The following SNCAIP variants were observed in gnomAD, a reference collection of about 807,000 sequenced individuals.
SNCAIP encodes synuclein alpha interacting protein.
A neutral mutation model predicts 86.7 loss-of-function variants in SNCAIP; 43 were observed. The ratio of observed to expected loss-of-function variants is 0.50; its 90% CI spans 0.39 to 0.64. SNCAIP has a LOEUF of 0.64. SNCAIP is among the 30% of genes least tolerant of loss of function. The probability of loss-of-function intolerance (pLI) is 0.00; values close to 1 mark genes in which losing one functional copy is unlikely to be tolerated. For synonymous variants in SNCAIP, 417 were observed against 427.2 expected (o/e 0.98, Z 0.29); for missense variants, 981 against 1,103.1 (o/e 0.89, Z 1.57).
chr5:122,372,668 G>A (rs1764505861), intron 1 of SNCAIP, among the ~76,000 whole-genome samples: 1 of 152,092 alleles, frequency 6.6e-6, no homozygotes, highest in Admixed American at 6.6e-5. Context: ...CTAGCCTCTT[G>A]TGCTGTAGGA....
chr5:122,350,352 A>G (rs931972519), intron 1 of SNCAIP, among the ~76,000 whole-genome samples: 1 of 152,148 alleles, frequency 6.6e-6, no homozygotes, highest in East Asian at 1.9e-4. Flanking sequence ...GATTCCAGTA[A>G]TGGACTATTT....
At chr5:122,321,011 GC>G (rs1476472203) in intron 1 of SNCAIP, among the ~76,000 whole-genome samples, 13 of 151,864 alleles carry the variant, frequency 8.6e-5, no homozygotes, top group Admixed American at 5.2e-4. Flanking sequence ...TCACCCTCTT[GC>G]CCTGAGACCG....
At chr5:122,325,077 C>T (rs1305313731) in intron 1 of SNCAIP, among the ~76,000 whole-genome samples, 1 of 152,102 alleles carries the variant, frequency 6.6e-6, no homozygotes, top group African/African-American at 2.4e-5. Flanking sequence ...GATATGGTTT[C>T]TTCCCTTTTT....
intron 1 of SNCAIP, among the ~76,000 whole-genome samples, chr5:122,317,086 T>G (rs1289333230): frequency 2.1e-5 from 3 of 145,998 alleles, no homozygotes; most frequent in Non-Finnish European, 4.6e-5. Flanking sequence ...TGGCTTTTCA[T>G]TATAAGTGTA....
At chr5:122,388,139 C>A (rs1768600054) in intron 1 of SNCAIP, among the ~76,000 whole-genome samples, 1 of 152,168 alleles carries the variant, frequency 6.6e-6, no homozygotes, top group South Asian at 2.1e-4. Flanking sequence ...CGGCTTAGCT[C>A]CAGCTAGTTG....
chr5:122,322,798 G>T (rs1707693363), intron 1 of SNCAIP, among the ~76,000 whole-genome samples: 1 of 152,188 alleles, frequency 6.6e-6, no homozygotes, highest in Admixed American at 6.5e-5. Flanking sequence ...CCATGTTTAA[G>T]TAATTTGATG....
intron 2 of SNCAIP, among the ~76,000 whole-genome samples, chr5:122,393,726 G>C (rs1173453083): frequency 1.3e-5 from 2 of 152,154 alleles, no homozygotes; most frequent in Non-Finnish European, 2.9e-5. Context: ...GTAGTACTGA[G>C]GATAAGAAAT....
chr5:122,457,417 G>A (rs906684465), intron 10 of SNCAIP, among the ~76,000 whole-genome samples: 1 of 152,152 alleles, frequency 6.6e-6, no homozygotes, highest in African/African-American at 2.4e-5. Flanking sequence ...ACAGCCAGGT[G>A]CCTGAAGTTG....
chr5:122,463,664 C>A lies in SNCAIP; in HGVS notation c.*168C>A. On this transcript the variant is annotated 3_prime_UTR_variant, in exon 11 of 11. Coordinates refer to ENST00000261368, the MANE Select transcript of SNCAIP (RefSeq NM_005460.4). ...CTCTTTGGAAAGAGAACCATGAAAA[C>A]AATGCCTCACCAGCAGAAGAACAGA... 1 of 648,498 alleles carries A rather than the reference C, an allele frequency of 1.5e-6. No individual in the cohort carries two copies. Among genetic ancestry groups the A allele is most frequent in the Non-Finnish European group, 2.7e-6 (1 of 373,426 alleles). The allele number at this position is 648,498 out of a possible 1,614,324, so 40.2% of individuals were successfully genotyped here. A position where few individuals can be genotyped will look rare whatever the true frequency, so the allele number is the denominator to read the frequency against.
chr5:122,333,903 A>G (rs1486160562), intron 1 of SNCAIP, among the ~76,000 whole-genome samples: 3 of 152,218 alleles, frequency 2.0e-5, no homozygotes, highest in Non-Finnish European at 4.4e-5. Flanking sequence ...TTGTTTGCAG[A>G]TAGACGACAA....
intron 3 of SNCAIP, among the ~76,000 whole-genome samples, chr5:122,415,251 G>C (rs1455910843): frequency 6.6e-6 from 1 of 152,168 alleles, no homozygotes; most frequent in Non-Finnish European, 1.5e-5. Flanking sequence ...GGCCATGGTA[G>C]GAGCCTGCAT....
At chr5:122,317,601 G>A (rs1752031628) in intron 1 of SNCAIP, among the ~76,000 whole-genome samples, 1 of 152,192 alleles carries the variant, frequency 6.6e-6, no homozygotes, top group African/African-American at 2.4e-5. Context: ...GGAGTGTATG[G>A]GAGTGAAGGA....
intron 1 of SNCAIP, among the ~76,000 whole-genome samples, chr5:122,317,723 G>C (rs116060596): frequency 0.013 from 2,016 of 152,232 alleles, 31 homozygotes; most frequent in South Asian, 0.062. Flanking sequence ...GATGCTGTGC[G>C]TGCAGAAACA....
At chr5:122,414,916 A>G (rs1774980830) in intron 3 of SNCAIP, among the ~76,000 whole-genome samples, 1 of 152,216 alleles carries the variant, frequency 6.6e-6, no homozygotes, top group African/African-American at 2.4e-5. Context: ...GAAATCTCTA[A>G]TGAAATCATA....
chr5:122,322,567 A>T (rs913774058), intron 1 of SNCAIP, among the ~76,000 whole-genome samples: 1 of 152,190 alleles, frequency 6.6e-6, no homozygotes, highest in African/African-American at 2.4e-5. Flanking sequence ...GAGCTCATTG[A>T]CCTGCTTTGA....
At chr5:122,363,878 A>T (rs1762665688) in intron 1 of SNCAIP, among the ~76,000 whole-genome samples, 1 of 151,778 alleles carries the variant, frequency 6.6e-6, no homozygotes, top group Admixed American at 6.6e-5. Flanking sequence ...GCTGGAGTGC[A>T]GTTATGCAAT....
intron 2 of SNCAIP, chr5:122,401,232 C>A: frequency 1.8e-6 from 2 of 1,116,770 alleles, no homozygotes; most frequent in South Asian, 1.7e-5. Context: ...TAGCACAATG[C>A]ATACTTGTAA....
intron 7 of SNCAIP, chr5:122,443,593 C>T (rs1236467974): frequency 4.4e-6 from 2 of 456,946 alleles, no homozygotes; most frequent in African/African-American, 4.0e-5. Flanking sequence ...ATTCAAGGGA[C>T]TTGGAATGGG....
chr5:122,316,226 G>T (rs1267413380), intron 1 of SNCAIP, among the ~76,000 whole-genome samples: 2 of 152,324 alleles, frequency 1.3e-5, no homozygotes, highest in East Asian at 1.9e-4. Flanking sequence ...GATTCCCTAA[G>T]ATGTCAAAGG....
Sources: allele counts gnomAD v4.1 joint callset (sites outside exome capture counted in the v4.1 genomes callset), GRCh38; gene constraint gnomAD v4.1.1; transcripts MANE v1.5; gene names NCBI Gene and HGNC (gene_info 2026-07-23, HGNC 2026-07-21).